The following PCDH17 variants were observed in gnomAD, a reference collection of about 807,000 sequenced individuals.
PCDH17 encodes protocadherin 17, also known as protocadherin-17.
PCDH17 carries 21 observed loss-of-function variants against 67.7 expected under a neutral mutation model. That is an observed-to-expected ratio of 0.31 (90% CI 0.22 to 0.45). The LOEUF (loss-of-function observed/expected upper bound fraction) is 0.45. Ranked by LOEUF, PCDH17 falls within the 20% of genes least tolerant of loss-of-function variation. The pLI is 1.00. For synonymous variants in PCDH17, 701 were observed against 656.7 expected (o/e 1.07, Z -1.03); for missense variants, 1,471 against 1,564.8 (o/e 0.94, Z 1.01).
At chr13:57,698,340 T>C (rs967836341) in intron 3 of PCDH17, among the ~76,000 whole-genome samples, 1 of 151,878 alleles carries the variant, frequency 6.6e-6, no homozygotes, top group Admixed American at 6.6e-5. Context: ...TCCTAGAATA[T>C]ATTTATGGAA....
In PCDH17 at chr13:57,726,080, A is replaced by G. The variant is rs755813617; in HGVS notation, c.*786A>G. 6.6e-6 allele frequency: 1 copy of G among 152,666 alleles called. No homozygotes were observed. The highest frequency in any genetic ancestry group is 1.5e-5 in the Non-Finnish European group (1 of 68,040). The allele number at this position is 152,666 out of a possible 1,614,324, so 9.5% of individuals were successfully genotyped here. ...CCTATTTAGCATTTTAGTGTCCAAC[A>G]AAGATTTAAACAATGATGAATATGT... On this transcript the variant is annotated 3_prime_UTR_variant, in exon 4 of 4. Coordinates refer to ENST00000377918, the MANE Select transcript of PCDH17 (RefSeq NM_001040429.3).
chr13:57,657,849 A>G (rs749890329), intron 1 of PCDH17, among the ~76,000 whole-genome samples: 26 of 152,212 alleles, frequency 1.7e-4, no homozygotes, highest in Non-Finnish European at 2.6e-4. Context: ...ATTTAACACC[A>G]TATCTAGAAT....
intron 3 of PCDH17, among the ~76,000 whole-genome samples, chr13:57,678,613 T>C (rs1306099106): frequency 6.6e-6 from 1 of 151,640 alleles, no homozygotes; most frequent in African/African-American, 2.4e-5. Context: ...CATTAATCTC[T>C]TATTTCACAT....
intron 3 of PCDH17, among the ~76,000 whole-genome samples, chr13:57,712,796 A>T (rs919419352): frequency 5.3e-5 from 8 of 151,668 alleles, no homozygotes; most frequent in African/African-American, 1.9e-4. Context: ...GATTCAGATT[A>T]AAAGTCTGAA....
intron 3 of PCDH17, among the ~76,000 whole-genome samples, chr13:57,680,961 T>C (rs1171731459): frequency 6.6e-6 from 1 of 151,744 alleles, no homozygotes; most frequent in Non-Finnish European, 1.5e-5. Flanking sequence ...TTCAATCAGA[T>C]AACAAAGATC....
intron 3 of PCDH17, among the ~76,000 whole-genome samples, chr13:57,684,018 C>T (rs1477706766): frequency 2.0e-5 from 3 of 151,720 alleles, no homozygotes; most frequent in Non-Finnish European, 4.4e-5. Context: ...CTCTGGGGCA[C>T]GAGGTGAGAT....
rs1458363199 is a variant in PCDH17 at position 57,724,831 on chromosome 13, G to GTATTTTCC, written c.3017_3018insTATTTTCC (p.Glu1007IlefsTer16). On this transcript the variant is annotated frameshift_variant, in exon 4 of 4. Transcript: ENST00000377918. LOFTEE classifies it high-confidence loss of function. ...TTTTGTACATTTGGAAAAGACAAGC[G>GTATTTTCC]AGAGCACACTATTCTCATTGCCAAC... is the stretch of plus-strand genomic sequence containing the variant. 1.2e-6 allele frequency: 2 copies of GTATTTTCC among 1,614,046 alleles called. No homozygotes were observed. The highest frequency in any genetic ancestry group is 8.5e-7 in the Non-Finnish European group (1 of 1,180,026).
chr13:57,707,995 T>C (rs1009879568), intron 3 of PCDH17, among the ~76,000 whole-genome samples: 4 of 151,984 alleles, frequency 2.6e-5, no homozygotes, highest in Non-Finnish European at 5.9e-5. Flanking sequence ...TGACATACAT[T>C]TTAGGGTGGG....
chr13:57,703,940 G>C (rs1955691684), intron 3 of PCDH17, among the ~76,000 whole-genome samples: 1 of 151,968 alleles, frequency 6.6e-6, no homozygotes, highest in Non-Finnish European at 1.5e-5. Flanking sequence ...TGATTGTATA[G>C]TCTACCAGTG....
rs1306894458 is a variant in PCDH17, at chr13:57,634,590, C to T, written c.2044C>T (p.Arg682Cys). 1 of 1,613,262 alleles carries T rather than the reference C, an allele frequency of 6.2e-7. No homozygotes were observed. Among genetic ancestry groups the T allele is most frequent in the Non-Finnish European group, 8.5e-7 (1 of 1,180,018 alleles). Residue 682 changes from arginine (R) to cysteine (C), a missense_variant, in exon 1 of 4, where the codon CGC becomes TGC. This residue lies in a region of PCDH17 where 1,163 missense variants were observed against 1,230.0 expected (regional missense o/e 0.95). Coordinates refer to ENST00000377918, the MANE Select transcript of PCDH17 (RefSeq NM_001040429.3). The surrounding 1 kb of genome is among the most constrained non-coding windows in gnomAD (Gnocchi z 7.8). ...GTCCGCAGTGGCCAAGCTCATCATC[C>T]GCTCGGTGAGCGGATCCCTTCCCGA... ...TLSAVAKLII[R>C]SVSGSLPEGV...
intron 3 of PCDH17, among the ~76,000 whole-genome samples, chr13:57,673,094 T>C (rs1955343610): frequency 6.6e-6 from 1 of 152,008 alleles, no homozygotes; most frequent in Non-Finnish European, 1.5e-5. Flanking sequence ...AAGACCTTCC[T>C]CTGGAGCCTC....
intron 1 of PCDH17, among the ~76,000 whole-genome samples, chr13:57,641,594 A>AG (rs1954904582): frequency 1.8e-5 from 2 of 109,280 alleles, no homozygotes; most frequent in Non-Finnish European, 3.8e-5. Flanking sequence ...AAAAATATAT[A>AG]TATATATATA....
intron 3 of PCDH17, among the ~76,000 whole-genome samples, 154 bp from the exon 4 acceptor site, chr13:57,724,458 A>C (rs564367949): frequency 1.3e-5 from 2 of 152,362 alleles, no homozygotes; most frequent in African/African-American, 4.8e-5. Context: ...AGGTTTATGC[A>C]ACCATCCTGA....
Position 57,649,742 on chromosome 13 carries a change from G to A in PCDH17, c.2565+14631G>A, listed in dbSNP as rs530370168. 1.1e-4 allele frequency among the ~76,000 whole-genome samples: 16 copies of A among 152,238 alleles called. No homozygotes were observed. The South Asian group carries it at 3.3e-3, about 32-fold the overall frequency. On this transcript the variant is annotated intron_variant, in intron 1 of 3. Transcript: ENST00000377918. Reference sequence around the variant, plus strand: ...TTTCAGCTTGAGCTATTTATGCACTGTGCTACTGGATGCACCATTTTATAT... The same window carrying A: ...TTTCAGCTTGAGCTATTTATGCACTATGCTACTGGATGCACCATTTTATAT...
intron 3 of PCDH17, among the ~76,000 whole-genome samples, chr13:57,683,395 C>T (rs924947000): frequency 2.0e-5 from 3 of 151,746 alleles, no homozygotes; most frequent in African/African-American, 4.8e-5. Flanking sequence ...GAAAGAGAAT[C>T]GGGACTTTGC....
At chr13:57,681,647 T>G (rs1421925189) in intron 3 of PCDH17, among the ~76,000 whole-genome samples, 1 of 151,730 alleles carries the variant, frequency 6.6e-6, no homozygotes, top group African/African-American at 2.4e-5. Flanking sequence ...TTAAAAATAA[T>G]TTAATTTCTA....
chr13:57,693,344 A>ATATATATATATATATATC (rs1384014902), intron 3 of PCDH17, among the ~76,000 whole-genome samples: 5 of 141,038 alleles, frequency 3.5e-5, no homozygotes, highest in South Asian at 4.5e-4. Context: ...ATATATATAT[A>ATATATATATATATATATC]TCAAGGAGTT....
chr13:57,690,293 A>C (rs986451823), intron 3 of PCDH17, among the ~76,000 whole-genome samples: 1 of 151,778 alleles, frequency 6.6e-6, no homozygotes, highest in Non-Finnish European at 1.5e-5. Context: ...TAGTGAAAAC[A>C]TATGCTTTTC....
chr13:57,694,976 T>C (rs1955592828), intron 3 of PCDH17, among the ~76,000 whole-genome samples: 1 of 151,192 alleles, frequency 6.6e-6, no homozygotes, highest in Admixed American at 6.6e-5. Context: ...TTGTGCTATA[T>C]ATATTTTAGT....
Sources: gnomAD v4.1 joint callset for allele counts (sites outside exome capture counted in the v4.1 genomes callset) on GRCh38, gnomAD v4.1.1 for gene constraint, gnomAD v4.1.1 regional missense constraint, Gnocchi (gnomAD v3.1) non-coding constraint, MANE v1.5 for transcripts, NCBI Gene and HGNC (gene_info 2026-07-23, HGNC 2026-07-21) for gene names.